Variants in SMYD4 observed in about 807,000 individuals in gnomAD.
SMYD4 encodes protein-lysine N-methyltransferase SMYD4.
SMYD4 carries 68 observed loss-of-function variants against 72.8 expected under a neutral mutation model. The observed-to-expected ratio is 0.93, with a 90% confidence interval of 0.77 to 1.14. The LOEUF (loss-of-function observed/expected upper bound fraction) is 1.14, where lower values mean the gene tolerates loss of function less well. SMYD4 is among the 50% of genes most tolerant of loss of function. The pLI is 0.00. For missense variants in SMYD4, 984 were observed against 1,003.7 expected (o/e 0.98, Z 0.27); for synonymous variants, 407 against 388.6 (o/e 1.05, Z -0.56).
chr17:1,818,685 G>T (rs574660637), intron 2 of SMYD4, among the ~76,000 whole-genome samples: 10 of 151,798 alleles, frequency 6.6e-5, no homozygotes, highest in African/African-American at 2.4e-4. Context: ...TTCGAGACAG[G>T]TCTCACTTCC....
chr17:1,804,392 G>T lies in SMYD4; in HGVS notation c.369+234C>A, dbSNP rs192470444. The T allele has an allele frequency of 7.2e-4, 291 of 404,710 alleles. 4 individuals are homozygous for T. The highest frequency in any genetic ancestry group is 7.1e-3 in the Admixed American group (200 of 28,002). 25.1% of individuals were successfully genotyped at this position (404,710 alleles called of 1,614,324 possible). A position where few individuals can be genotyped will look rare whatever the true frequency, so the allele number is the denominator to read the frequency against. Reference sequence around the variant, plus strand: ...GGGTTCCACTGTGTCGGCCACGCTGGTCTTGAACTCTTGACCTCAGGTGAT... The same window carrying T: ...GGGTTCCACTGTGTCGGCCACGCTGTTCTTGAACTCTTGACCTCAGGTGAT... On this transcript the variant is annotated intron_variant, in intron 4 of 10. Coordinates refer to ENST00000305513, the MANE Select transcript of SMYD4 (RefSeq NM_052928.3).
chr17:1,811,877 A>T, intron 3 of SMYD4, 94 bp downstream of exon 3: 1 of 1,385,952 alleles, frequency 7.2e-7, no homozygotes, highest in Non-Finnish European at 9.8e-7. Context: ...CAGTGAGCTG[A>T]GATTATACCA....
chr17:1,823,767 G>C (rs1417909914), intron 2 of SMYD4, among the ~76,000 whole-genome samples: 2 of 152,126 alleles, frequency 1.3e-5, no homozygotes, highest in East Asian at 3.9e-4. Flanking sequence ...GCCCCACCCA[G>C]AAGTTTTCTG....
intron 1 of SMYD4, among the ~76,000 whole-genome samples, chr17:1,828,394 C>A (rs926127178): frequency 5.3e-5 from 8 of 151,446 alleles, no homozygotes; most frequent in African/African-American, 1.9e-4. Context: ...TTCAAGGAAG[C>A]CTGAAACAAT....
chr17:1,796,427 C>A (rs955259425), intron 5 of SMYD4, among the ~76,000 whole-genome samples: 1 of 150,412 alleles, frequency 6.6e-6, no homozygotes, highest in Non-Finnish European at 1.5e-5. Context: ...TGAGCCACTG[C>A]GGCTGGCTTC....
chr17:1,814,132 C>T (rs575134277), intron 2 of SMYD4, among the ~76,000 whole-genome samples: 1 of 152,058 alleles, frequency 6.6e-6, no homozygotes, highest in Non-Finnish European at 1.5e-5. Context: ...TGGGAAGACC[C>T]TGTCTCTACA....
chr17:1,806,549 T>A (rs1460118873), intron 3 of SMYD4, among the ~76,000 whole-genome samples: 2 of 152,160 alleles, frequency 1.3e-5, no homozygotes, highest in South Asian at 4.1e-4. Context: ...ACTAAATATG[T>A]GAAAAAAAAT....
chr17:1,802,329 T>C (rs556689660), intron 4 of SMYD4, among the ~76,000 whole-genome samples: 91 of 151,844 alleles, frequency 6.0e-4, no homozygotes, highest in Non-Finnish European at 3.4e-4. Context: ...CTGGGCTCTA[T>C]AAAAAAATTA....
intron 1 of SMYD4, chr17:1,829,445 T>C (rs1911402907): frequency 6.6e-6 from 1 of 152,326 alleles, no homozygotes; most frequent in Non-Finnish European, 1.5e-5. Context: ...TTCCCAGCTG[T>C]GATTCCAACA....
intron 3 of SMYD4, among the ~76,000 whole-genome samples, chr17:1,808,755 T>C (rs1910174090): frequency 6.6e-6 from 1 of 152,220 alleles, no homozygotes; most frequent in Non-Finnish European, 1.5e-5. Flanking sequence ...ATCACATTTA[T>C]GATGCACATA....
intron 5 of SMYD4, among the ~76,000 whole-genome samples, chr17:1,797,759 T>G (rs570883724): frequency 6.6e-6 from 1 of 151,990 alleles, no homozygotes; most frequent in Non-Finnish European, 1.5e-5. Flanking sequence ...CCCAGCACTT[T>G]GGGAGGCCAA....
At chr17:1,813,610 C>A (rs1005349403) in intron 2 of SMYD4, among the ~76,000 whole-genome samples, 1 of 151,824 alleles carries the variant, frequency 6.6e-6, no homozygotes, top group African/African-American at 2.4e-5. Flanking sequence ...GAGATGGGGT[C>A]TCATCATGTT....
At chr17:1,826,518 A>ACG (rs1259676707) in intron 2 of SMYD4, among the ~76,000 whole-genome samples, 1 of 136,978 alleles carries the variant, frequency 7.3e-6, no homozygotes, top group Non-Finnish European at 1.6e-5. Flanking sequence ...AAAAAAAAAA[A>ACG]GAAAAGAAAA....
intron 2 of SMYD4, among the ~76,000 whole-genome samples, chr17:1,817,180 G>C (rs1910648248): frequency 6.6e-6 from 1 of 151,924 alleles, no homozygotes; most frequent in African/African-American, 2.4e-5. Flanking sequence ...CGGGATTACA[G>C]GCACGCACCA....
intron 5 of SMYD4, among the ~76,000 whole-genome samples, chr17:1,799,136 G>A (rs1909565146): frequency 6.6e-6 from 1 of 150,442 alleles, no homozygotes; most frequent in Non-Finnish European, 1.5e-5. Flanking sequence ...GCGGGCGCCT[G>A]TAGTCCCAGC....
At chr17:1,790,959 T>C (rs1407074945) in intron 5 of SMYD4, among the ~76,000 whole-genome samples, 2 of 150,822 alleles carry the variant, frequency 1.3e-5, no homozygotes, top group Admixed American at 1.3e-4. Context: ...ACCCCGTCTC[T>C]ACTAAAAATA....
rs374912933 is a variant in SMYD4, at chr17:1,787,501, G to A, written c.1641C>T (p.Ser547=). Residue 547 remains serine, a synonymous_variant, in exon 6 of 11, where the codon AGC becomes AGT. Transcript: ENST00000305513. ...LLNHSCSPNT[S]VSFISTVATI... is the part of the protein sequence containing the mutation. ...TGGCGACAGTGCTAATGAAGGACAC[G>A]CTGGTGTTGGGGCTACAGGAGTGGT... 65 of 1,581,184 alleles carry A rather than the reference G, an allele frequency of 4.1e-5. No homozygotes were observed. The highest frequency in any genetic ancestry group is 3.2e-4 in the East Asian group (14 of 43,584).
intron 5 of SMYD4, among the ~76,000 whole-genome samples, chr17:1,791,661 G>T (rs1193688196): frequency 6.6e-6 from 1 of 152,140 alleles, no homozygotes; most frequent in African/African-American, 2.4e-5. Flanking sequence ...TTTGCAAGCT[G>T]TATCAAGTGC....
chr17:1,806,180 C>T (rs1028793867), intron 3 of SMYD4, among the ~76,000 whole-genome samples: 3 of 151,996 alleles, frequency 2.0e-5, no homozygotes, highest in Admixed American at 6.6e-5. Context: ...TCGCCTCGGC[C>T]TCCCAACAAA....
Sources: allele counts gnomAD v4.1 joint callset (sites outside exome capture counted in the v4.1 genomes callset), GRCh38; gene constraint gnomAD v4.1.1; transcripts MANE v1.5; gene names NCBI Gene and HGNC (gene_info 2026-07-23, HGNC 2026-07-21).